Variants in SDK1 observed in about 807,000 individuals in gnomAD.
SDK1 encodes protein sidekick-1.
Under a neutral mutation model 245.5 loss-of-function variants are expected in SDK1, and 157 were observed. The ratio of observed to expected loss-of-function variants is 0.64; its 90% confidence interval spans 0.56 to 0.73. The LOEUF (loss-of-function observed/expected upper bound fraction) is 0.73, where lower values mean the gene tolerates loss of function less well. Ranked by LOEUF, SDK1 falls within the 30% of genes least tolerant of loss-of-function variation. The pLI is 0.00. For synonymous variants in SDK1, 1,647 were observed against 1,278.5 expected (o/e 1.29, Z -6.15); for missense variants, 3,583 against 3,002.3 (o/e 1.19, Z -4.52).
chr7:3,583,919 G>A (rs1408607721), intron 1 of SDK1, among the ~76,000 whole-genome samples: 1 of 152,152 alleles, frequency 6.6e-6, no homozygotes, highest in Non-Finnish European at 1.5e-5. Flanking sequence ...TTGTTTGCTT[G>A]GAGTGAAGGT....
intron 1 of SDK1, among the ~76,000 whole-genome samples, chr7:3,429,367 T>C (rs549816797): frequency 6.6e-6 from 1 of 152,318 alleles, no homozygotes; most frequent in Admixed American, 6.5e-5. Flanking sequence ...TCTGAGATTA[T>C]AGAGCTAGTA....
At chr7:3,699,755 G>A (rs1420311888) in intron 4 of SDK1, among the ~76,000 whole-genome samples, 1 of 152,096 alleles carries the variant, frequency 6.6e-6, no homozygotes, top group Non-Finnish European at 1.5e-5. Context: ...CCTGAATATG[G>A]CATTTTAAAA....
chr7:3,530,659 T>C lies in SDK1; in HGVS notation c.299-88421T>C, dbSNP rs999716695. Among the ~76,000 whole-genome samples the C allele has an allele frequency of 3.6e-4, 55 of 152,232 alleles. 1 individual carries two copies. Among genetic ancestry groups the C allele is most frequent in the Admixed American group, 2.5e-3 (38 of 15,288 alleles). ...ATAGATAGGCATGTGAAATATATTA[T>C]GTATTAATATTTCAGAATTATTGTG... On this transcript the variant is annotated intron_variant, in intron 1 of 44. Transcript: ENST00000404826.
chr7:3,545,093 C>G (rs1779174990), intron 1 of SDK1, among the ~76,000 whole-genome samples: 1 of 152,072 alleles, frequency 6.6e-6, no homozygotes, highest in Non-Finnish European at 1.5e-5. Context: ...TGGTGGGCGG[C>G]AGTATTGGCA....
At position 4,233,278 on chromosome 7, in the gene SDK1, G is replaced by C. The variant is rs747039582; in HGVS notation, c.5851G>C (p.Val1951Leu). ...AGATGAAGGCTTATGGGACATGTTT[G>C]TGAAGGACATCCCGCGGAGCGCCAC... is the stretch of plus-strand genomic sequence containing the variant. Reference protein sequence around the residue: ...PSDEGLWDMFVKDIPRSATSY... With the variant: ...PSDEGLWDMFLKDIPRSATSY... The change falls in exon 41 of 45, where the codon GTG (valine) becomes CTG (leucine). Residue 1951 changes from valine to leucine, a missense_variant. Physicochemically the swap from Val to Leu is conservative, Grantham distance 32. Transcript: ENST00000404826. 1.1e-4 allele frequency: 176 copies of C among 1,613,822 alleles called. 4 individuals carry two copies. In the South Asian group the frequency reaches 1.9e-3, roughly 17 times the overall value.
At chr7:3,639,608 T>C (rs1442710524) in intron 3 of SDK1, among the ~76,000 whole-genome samples, 1 of 152,150 alleles carries the variant, frequency 6.6e-6, no homozygotes, top group Non-Finnish European at 1.5e-5. Context: ...CAGATCCATT[T>C]TGGAGAACGA....
intron 5 of SDK1, among the ~76,000 whole-genome samples, chr7:3,893,021 C>T (rs1781500202): frequency 1.3e-5 from 2 of 152,210 alleles, no homozygotes; most frequent in African/African-American, 2.4e-5. Context: ...GGAATCAGGC[C>T]AATTTGAGCG....
chr7:3,758,084 G>A (rs898177322), intron 4 of SDK1, among the ~76,000 whole-genome samples: 3 of 152,146 alleles, frequency 2.0e-5, no homozygotes, highest in African/African-American at 7.2e-5. Flanking sequence ...CCAGCCCACA[G>A]TCAAGCAGAG....
intron 4 of SDK1, among the ~76,000 whole-genome samples, chr7:3,745,401 C>A (rs1165000832): frequency 6.6e-6 from 1 of 152,162 alleles, no homozygotes; most frequent in African/African-American, 2.4e-5. Context: ...AACCTTCACC[C>A]CACTTCTGCC....
rs1167643789 is a variant in SDK1, at chr7:3,672,787, ATATAT to A, written c.713+30683_713+30687del. ...TATATATATATATATATATATATAT[ATATAT>A]ATAAAAAATACAGAAAGCTCTAAGT... is the stretch of plus-strand genomic sequence containing the variant. On this transcript the variant is annotated intron_variant, in intron 4 of 44. Coordinates refer to ENST00000404826, the MANE Select transcript of SDK1 (RefSeq NM_152744.4). Among the ~76,000 whole-genome samples the A allele has an allele frequency of 2.4e-3, 259 of 106,762 alleles. 6 individuals are homozygous for A. The highest frequency in any genetic ancestry group is 4.1e-3 in the Non-Finnish European group (215 of 52,422). 70.0% of individuals were successfully genotyped at this position (106,762 alleles called of 152,430 possible).
intron 1 of SDK1, among the ~76,000 whole-genome samples, chr7:3,375,024 A>G (rs1322951842): frequency 6.6e-6 from 1 of 152,194 alleles, no homozygotes; most frequent in Non-Finnish European, 1.5e-5. Flanking sequence ...TTTTTTAGTG[A>G]ATTAATGTGC....
At position 3,799,165 on chromosome 7, in the gene SDK1, T is replaced by C. The variant is rs556735555; in HGVS notation, c.714-22285T>C. On this transcript the variant is annotated intron_variant, in intron 4 of 44. Transcript: ENST00000404826. ...AAAATCTTGGGCCTTTTTATTACTT[T>C]TTTGTTTCTTCTTATAAACTTCAAA... is the stretch of plus-strand genomic sequence containing the variant. Among the ~76,000 whole-genome samples the C allele has an allele frequency of 1.4e-4, 22 of 152,334 alleles. No individual in the cohort carries two copies. The South Asian group carries it at 4.4e-3, about 30-fold the overall frequency.
intron 1 of SDK1, among the ~76,000 whole-genome samples, chr7:3,486,556 G>C (rs1434044044): frequency 6.6e-6 from 1 of 151,780 alleles, no homozygotes; most frequent in African/African-American, 2.4e-5. Flanking sequence ...GATTTTTTCT[G>C]ACCCTGCTGT....
At chr7:3,391,457 A>G (rs1255102817) in intron 1 of SDK1, among the ~76,000 whole-genome samples, 2 of 149,476 alleles carry the variant, frequency 1.3e-5, no homozygotes, top group Non-Finnish European at 3.0e-5. Flanking sequence ...TTAAGCGTAC[A>G]TTTGGAAGTG....
chr7:3,803,848 T>C (rs1036630158), intron 4 of SDK1, among the ~76,000 whole-genome samples: 1 of 148,524 alleles, frequency 6.7e-6, no homozygotes, highest in South Asian at 2.2e-4. Flanking sequence ...CACTGCAAGC[T>C]CCGCCTCCCA....
At chr7:3,747,079 A>G (rs1482578697) in intron 4 of SDK1, among the ~76,000 whole-genome samples, 1 of 152,244 alleles carries the variant, frequency 6.6e-6, no homozygotes, top group African/African-American at 2.4e-5. Flanking sequence ...TGAAACCAAC[A>G]TTCATCTCCA....
At chr7:3,980,517 C>T (rs1457585560) in intron 13 of SDK1, among the ~76,000 whole-genome samples, 4 of 152,264 alleles carry the variant, frequency 2.6e-5, no homozygotes, top group East Asian at 1.9e-4. Context: ...AATGCTTCGA[C>T]GCAATCTATC....
intron 15 of SDK1, among the ~76,000 whole-genome samples, chr7:4,011,477 A>G (rs1225989781): frequency 6.6e-6 from 1 of 152,216 alleles, no homozygotes; most frequent in Non-Finnish European, 1.5e-5. Flanking sequence ...CCACAGTCTT[A>G]GCAAGTCAAC....
At chr7:4,116,571 T>C (rs1014252377) in intron 25 of SDK1, among the ~76,000 whole-genome samples, 1 of 152,176 alleles carries the variant, frequency 6.6e-6, no homozygotes, top group African/African-American at 2.4e-5. Context: ...TAATGCACAG[T>C]GGGTTGCAAT....
Sources: allele counts gnomAD v4.1 joint callset (sites outside exome capture counted in the v4.1 genomes callset), GRCh38; gene constraint gnomAD v4.1.1; transcripts MANE v1.5; gene names NCBI Gene and HGNC (gene_info 2026-07-23, HGNC 2026-07-21).